Variants in ERGIC1 observed in about 807,000 individuals in gnomAD.
ERGIC1 encodes endoplasmic reticulum-golgi intermediate compartment 1.
ERGIC1 carries 19 observed loss-of-function variants against 38.3 expected under a neutral mutation model. That is an observed-to-expected ratio of 0.50 (90% CI 0.35 to 0.73). The LOEUF is 0.73. ERGIC1 is among the 30% of genes least tolerant of loss of function. The pLI, the probability that ERGIC1 is intolerant of heterozygous loss-of-function variation, is 0.01. For synonymous variants in ERGIC1, 124 were observed against 157.6 expected (o/e 0.79, Z 1.60); for missense variants, 294 against 389.2 (o/e 0.76, Z 2.06).
intron 5 of ERGIC1, among the ~76,000 whole-genome samples, chr5:172,919,131 G>A (rs981358370): frequency 6.6e-6 from 1 of 152,212 alleles, no homozygotes; most frequent in East Asian, 1.9e-4. Flanking sequence ...TATAACGGGG[G>A]GACAGCCAGT....
Position 172,860,225 on chromosome 5 carries a change from C to T in ERGIC1, c.20+25792C>T, listed in dbSNP as rs1286247766. Among the ~76,000 whole-genome samples the T allele has an allele frequency of 2.6e-5, 4 of 152,166 alleles. No homozygotes were observed. The East Asian group carries it at 5.8e-4, about 22-fold the overall frequency. ...TCAAGTGGGCTCATCAGTTCCCTGA[C>T]GGGGAACTAGCAGAGGAGGGCAGGA... is the stretch of plus-strand genomic sequence containing the variant. On this transcript the variant is annotated intron_variant, in intron 1 of 9. Coordinates refer to ENST00000393784, the MANE Select transcript of ERGIC1 (RefSeq NM_001031711.3).
intron 1 of ERGIC1, among the ~76,000 whole-genome samples, chr5:172,858,561 A>G (rs928773813): frequency 1.3e-5 from 2 of 152,344 alleles, no homozygotes; most frequent in Middle Eastern, 3.4e-3. Context: ...AGAAAGTCAT[A>G]GACACTCGGG....
At chr5:172,857,159 G>A (rs61584757) in intron 1 of ERGIC1, among the ~76,000 whole-genome samples, 49,494 of 152,058 alleles carry the variant, frequency 0.33, 8,367 homozygotes, top group Non-Finnish European at 0.37. Flanking sequence ...TCTTAAATTA[G>A]GAATAAGGGG....
chr5:172,922,342 T>C (rs571102714), intron 5 of ERGIC1: 1 of 152,456 alleles, frequency 6.6e-6, no homozygotes, highest in East Asian at 1.9e-4. Context: ...ATTCAAAAAG[T>C]GTCTATTGAG....
intron 1 of ERGIC1, among the ~76,000 whole-genome samples, chr5:172,848,681 T>G (rs1581508725): frequency 6.6e-6 from 1 of 152,154 alleles, no homozygotes; most frequent in African/African-American, 2.4e-5. Flanking sequence ...ATCTGCACAC[T>G]GTGGGTGGTC....
chr5:172,853,563 G>A (rs1182488588), intron 1 of ERGIC1, among the ~76,000 whole-genome samples: 2 of 152,226 alleles, frequency 1.3e-5, no homozygotes, highest in African/African-American at 4.8e-5. Context: ...TGCGCAACTG[G>A]GGCTGGGGGC....
At chr5:172,922,860 C>T (rs1286339650) in intron 5 of ERGIC1, among the ~76,000 whole-genome samples, 2 of 152,174 alleles carry the variant, frequency 1.3e-5, no homozygotes, top group Non-Finnish European at 1.5e-5. Flanking sequence ...GGAAAAGGCC[C>T]AGGCTGTGGG....
Position 172,935,430 on chromosome 5 carries a change from G to A in ERGIC1, c.765+120G>A, listed in dbSNP as rs538069780. The A allele has an allele frequency of 9.3e-5, 131 of 1,415,250 alleles. No homozygotes were observed. In the Middle Eastern group the frequency reaches 1.4e-3, roughly 15 times the overall value. 87.7% of individuals were successfully genotyped at this position (1,415,250 alleles called of 1,614,324 possible). A position where few individuals can be genotyped will look rare whatever the true frequency, so the allele number is the denominator to read the frequency against. On this transcript the variant is annotated intron_variant, in intron 9 of 9. Coordinates refer to ENST00000393784, the MANE Select transcript of ERGIC1 (RefSeq NM_001031711.3). ...AAACAGGAGGCAGCCTGCAGGGCTAGGGGCTCTGGCTGGGCACAGGAGGCT... is the reference window on the plus strand; with the variant it reads ...AAACAGGAGGCAGCCTGCAGGGCTAAGGGCTCTGGCTGGGCACAGGAGGCT...
At chr5:172,934,854 C>T (rs538010400) in intron 8 of ERGIC1, 30 of 330,760 alleles carry the variant, frequency 9.1e-5, no homozygotes, top group South Asian at 5.3e-4. Context: ...ATGGATTTCG[C>T]GTGGCCCAGA....
chr5:172,887,658 C>T (rs1167079916), intron 1 of ERGIC1, among the ~76,000 whole-genome samples: 1 of 152,144 alleles, frequency 6.6e-6, no homozygotes, highest in African/African-American at 2.4e-5. Context: ...TTTCCAAAAC[C>T]CTGAATTCTC....
At chr5:172,865,162 C>A (rs1259397845) in intron 1 of ERGIC1, among the ~76,000 whole-genome samples, 1 of 141,194 alleles carries the variant, frequency 7.1e-6, no homozygotes, top group Non-Finnish European at 1.5e-5. Context: ...TCAAGCAATT[C>A]TCTTGCCTCA....
chr5:172,862,880 C>G (rs1761753033), intron 1 of ERGIC1, among the ~76,000 whole-genome samples: 1 of 152,226 alleles, frequency 6.6e-6, no homozygotes, highest in South Asian at 2.1e-4. Context: ...TGCCATGAGT[C>G]CAAGGTACCT....
At chr5:172,868,500 G>A (rs1761925425) in intron 1 of ERGIC1, among the ~76,000 whole-genome samples, 1 of 152,234 alleles carries the variant, frequency 6.6e-6, no homozygotes, top group African/African-American at 2.4e-5. Context: ...TTCTGGAAAA[G>A]GCAAAACTAT....
chr5:172,852,217 T>C (rs1761429286), intron 1 of ERGIC1, among the ~76,000 whole-genome samples: 1 of 152,114 alleles, frequency 6.6e-6, no homozygotes, highest in East Asian at 1.9e-4. Flanking sequence ...CCCCTGATGG[T>C]CTTGGGAATG....
intron 1 of ERGIC1, among the ~76,000 whole-genome samples, chr5:172,839,261 G>A (rs866148682): frequency 7.3e-6 from 1 of 137,530 alleles, no homozygotes; most frequent in South Asian, 2.3e-4. Flanking sequence ...AAAAAAAAAA[G>A]TATATATATA....
At chr5:172,917,096 A>C (rs1284325662) in intron 5 of ERGIC1, 4 of 152,330 alleles carry the variant, frequency 2.6e-5, no homozygotes, top group Non-Finnish European at 5.9e-5. Context: ...AATAAGACTC[A>C]GTGAAGAATC....
At chr5:172,947,876 T>TTG (rs10566172) in intron 9 of ERGIC1, among the ~76,000 whole-genome samples, 56,106 of 145,578 alleles carry the variant, frequency 0.39, 10,856 homozygotes, top group East Asian at 0.47. Flanking sequence ...CAGATGTGTT[T>TTG]TGTGTGTGTG....
At chr5:172,854,503 G>A (rs1274380111) in intron 1 of ERGIC1, among the ~76,000 whole-genome samples, 4 of 152,242 alleles carry the variant, frequency 2.6e-5, no homozygotes, top group African/African-American at 9.6e-5. Flanking sequence ...TTCTACCCAC[G>A]TCTGCGTGGC....
chr5:172,880,211 A>G (rs995525435), intron 1 of ERGIC1, among the ~76,000 whole-genome samples: 3 of 151,956 alleles, frequency 2.0e-5, no homozygotes, highest in Admixed American at 6.6e-5. Flanking sequence ...TAATTTTTGT[A>G]TTTTTAGTAG....
Sources: allele counts gnomAD v4.1 joint callset (sites outside exome capture counted in the v4.1 genomes callset), GRCh38; gene constraint gnomAD v4.1.1; transcripts MANE v1.5; gene names NCBI Gene and HGNC (gene_info 2026-07-23, HGNC 2026-07-21).